The following AOAH variants were observed in gnomAD, a reference collection of about 807,000 sequenced individuals.
The protein encoded by AOAH is acyloxyacyl hydrolase (neutrophil).
A neutral mutation model predicts 92.2 loss-of-function variants in AOAH; 64 were observed. That is an observed-to-expected ratio of 0.69 (90% CI 0.57 to 0.86). The LOEUF (loss-of-function observed/expected upper bound fraction) is 0.86. AOAH is among the 40% of genes least tolerant of loss of function. The pLI, the probability that AOAH is intolerant of heterozygous loss-of-function variation, is 0.00. For missense variants in AOAH, 656 were observed against 694.6 expected, an observed-to-expected ratio of 0.94 and a Z score of 0.62; for synonymous variants, 263 against 254.5, an observed-to-expected ratio of 1.03 and a Z score of -0.32.
At chr7:36,634,422 A>T (rs1458033874) in intron 5 of AOAH, among the ~76,000 whole-genome samples, 1 of 152,156 alleles carries the variant, frequency 6.6e-6, no homozygotes, top group Non-Finnish European at 1.5e-5. Flanking sequence ...CGGTGCATGC[A>T]GCCCCCAGTC....
chr7:36,544,988 C>A lies in AOAH; in HGVS notation c.1133+3624G>T, dbSNP rs116178149. Among the ~76,000 whole-genome samples the A allele has an allele frequency of 7.7e-3, 1,169 of 152,256 alleles. 14 individuals are homozygous for A. The highest frequency in any genetic ancestry group is 0.027 in the African/African-American group (1,124 of 41,552). ...CCCAGGTAAGAGGGTTAGCCCTTTT[C>A]TTCATGCCAGCCAGTTGCAATCACA... On this transcript the variant is annotated intron_variant, in intron 15 of 20. Coordinates refer to ENST00000617537, the MANE Select transcript of AOAH (RefSeq NM_001637.4).
intron 4 of AOAH, among the ~76,000 whole-genome samples, chr7:36,643,118 A>G (rs1281655667): frequency 1.3e-5 from 2 of 152,228 alleles, no homozygotes; most frequent in Admixed American, 1.3e-4. Context: ...TTGCAACATC[A>G]GCCTACAGAA....
chr7:36,638,587 G>C (rs2116321747), intron 4 of AOAH, among the ~76,000 whole-genome samples: 1 of 152,256 alleles, frequency 6.6e-6, no homozygotes, highest in South Asian at 2.1e-4. Flanking sequence ...TGGAGGGGTG[G>C]GAGAAGAGTA....
chr7:36,556,178 G>A (rs1786694972), intron 13 of AOAH, among the ~76,000 whole-genome samples: 1 of 152,174 alleles, frequency 6.6e-6, no homozygotes. Context: ...ATTCTGGTAT[G>A]TTGTGTCTTT....
chr7:36,677,508 T>A (rs1372265083), intron 2 of AOAH, among the ~76,000 whole-genome samples: 1 of 152,128 alleles, frequency 6.6e-6, no homozygotes, highest in Non-Finnish European at 1.5e-5. Context: ...GTGCAGCCAG[T>A]TTGTAACCAG....
At chr7:36,720,090 C>T (rs992655219) in intron 1 of AOAH, among the ~76,000 whole-genome samples, 1 of 152,090 alleles carries the variant, frequency 6.6e-6, no homozygotes, top group African/African-American at 2.4e-5. Context: ...ACTGAAGCTT[C>T]CTTCTTTGAC....
chr7:36,605,203 GC>G (rs1166599665), intron 11 of AOAH, among the ~76,000 whole-genome samples: 3 of 152,132 alleles, frequency 2.0e-5, no homozygotes, highest in African/African-American at 7.2e-5. Flanking sequence ...GATAATCTCT[GC>G]CTACTCCCAC....
intron 1 of AOAH, among the ~76,000 whole-genome samples, chr7:36,715,019 G>A (rs1394345989): frequency 6.6e-6 from 1 of 152,114 alleles, no homozygotes; most frequent in Non-Finnish European, 1.5e-5. Context: ...ATTCAATTAG[G>A]AAAAGAGGAA....
intron 13 of AOAH, among the ~76,000 whole-genome samples, chr7:36,563,005 G>A (rs1787389737): frequency 6.6e-6 from 1 of 151,828 alleles, no homozygotes; most frequent in African/African-American, 2.4e-5. Flanking sequence ...AAATTAGCCA[G>A]GCGTGGTGGC....
intron 4 of AOAH, among the ~76,000 whole-genome samples, chr7:36,652,815 G>T (rs1247715442): frequency 2.0e-5 from 3 of 152,174 alleles, no homozygotes; most frequent in African/African-American, 7.2e-5. Context: ...AACAAGGAAA[G>T]ATGAAGACTC....
chr7:36,712,584 C>T (rs1013508260), intron 1 of AOAH, among the ~76,000 whole-genome samples: 2 of 151,994 alleles, frequency 1.3e-5, no homozygotes, highest in East Asian at 1.9e-4. Flanking sequence ...GCATAGTCGA[C>T]CCCTGGGTTA....
chr7:36,684,885 C>T (rs149569878), intron 2 of AOAH, among the ~76,000 whole-genome samples: 59 of 116,242 alleles, frequency 5.1e-4, no homozygotes, highest in Non-Finnish European at 7.9e-4. Flanking sequence ...TCACCCTGGG[C>T]GACAGACTGA....
chr7:36,719,937 A>AT (rs1362530639), intron 1 of AOAH, among the ~76,000 whole-genome samples: 1 of 126,812 alleles, frequency 7.9e-6, no homozygotes, highest in Non-Finnish European at 1.8e-5. Context: ...CTTTGTCTTT[A>AT]TTAAAAAAAA....
intron 13 of AOAH, among the ~76,000 whole-genome samples, chr7:36,570,781 GTTTTTCA>G (rs1788085847): frequency 6.6e-6 from 1 of 152,132 alleles, no homozygotes; most frequent in Admixed American, 6.5e-5. Flanking sequence ...CACCACGGTG[GTTTTTCA>G]GTTGGCAAGC....
intron 11 of AOAH, among the ~76,000 whole-genome samples, chr7:36,613,548 T>G (rs1366093773): frequency 6.6e-6 from 1 of 152,208 alleles, no homozygotes; most frequent in Admixed American, 6.5e-5. Flanking sequence ...TCTATTCAAT[T>G]GCCAGGACCT....
intron 3 of AOAH, among the ~76,000 whole-genome samples, chr7:36,671,063 T>C (rs1322860900): frequency 2.0e-5 from 3 of 152,234 alleles, no homozygotes; most frequent in South Asian, 2.1e-4. Flanking sequence ...TCTGGGACTT[T>C]TCAGCTTGCT....
intron 9 of AOAH, 48 bp from the exon 10 acceptor site, chr7:36,618,393 A>G: frequency 6.5e-7 from 1 of 1,547,856 alleles, no homozygotes; most frequent in Non-Finnish European, 8.9e-7. Flanking sequence ...TAAATTTATG[A>G]GATACATATA....
chr7:36,695,749 T>G (rs563344667), intron 1 of AOAH, among the ~76,000 whole-genome samples: 9 of 152,312 alleles, frequency 5.9e-5, no homozygotes, highest in African/African-American at 1.9e-4. Context: ...TGCTTCCAAA[T>G]CTGTGGCTAA....
chr7:36,585,799 A>AAACT (rs1460089990), intron 12 of AOAH, among the ~76,000 whole-genome samples: 3 of 152,230 alleles, frequency 2.0e-5, no homozygotes, highest in Admixed American at 6.5e-5. Flanking sequence ...GAATCACACT[A>AAACT]AACTGATCAC....
Sources: allele counts gnomAD v4.1 joint callset (sites outside exome capture counted in the v4.1 genomes callset), GRCh38; gene constraint gnomAD v4.1.1; transcripts MANE v1.5; gene names NCBI Gene and HGNC (gene_info 2026-07-23, HGNC 2026-07-21).